Variants in MRPL14 observed in about 807,000 individuals in gnomAD.
The protein encoded by MRPL14 is large ribosomal subunit protein uL14m.
A neutral mutation model predicts 10.9 loss-of-function variants in MRPL14; 8 were observed. The ratio of observed to expected loss-of-function variants is 0.74; its 90% CI spans 0.43 to 1.33. The LOEUF is 1.33. Ranked by LOEUF, MRPL14 falls within the 40% of genes most tolerant of loss-of-function variation. The pLI is 0.01. For missense variants in MRPL14, 179 were observed against 194.5 expected, an observed-to-expected ratio of 0.92 and a Z score of 0.47; for synonymous variants, 82 against 74.1, an observed-to-expected ratio of 1.11 and a Z score of -0.54.
At chr6:44,115,415 C>T (rs1775748142) in intron 2 of MRPL14, among the ~76,000 whole-genome samples, 1 of 152,186 alleles carries the variant, frequency 6.6e-6, no homozygotes, top group Non-Finnish European at 1.5e-5. Flanking sequence ...TAGACGATGG[C>T]TTCTCCAGCA....
At position 44,126,614 on chromosome 6, in the gene MRPL14, A is replaced by T. The variant is rs183086655; in HGVS notation, c.-19+730T>A. On this transcript the variant is annotated intron_variant, in intron 1 of 2. Transcript: ENST00000372014. The stretch of plus-strand genomic sequence containing the variant: ...GCCCTTTTAACCTCTTTATAAATTC[A>T]GTCCCGTCCGTCTCTTACGGTGGCA... Among the ~76,000 whole-genome samples, 179 of 152,244 alleles carry T rather than the reference A, an allele frequency of 1.2e-3. 1 individual carries two copies. Among genetic ancestry groups the T allele is most frequent in the Non-Finnish European group, 1.7e-3 (119 of 68,030 alleles).
At position 44,113,986 on chromosome 6, in the gene MRPL14, T is replaced by G. The variant is rs1775586963; in HGVS notation, c.295A>C (p.Arg99=). Residue 99 remains arginine, a synonymous_variant, in exon 3 of 3, where the codon AGA becomes CGA. Coordinates refer to ENST00000372014, the MANE Select transcript of MRPL14 (RefSeq NM_032111.4). The part of the protein sequence containing the change: ...HCMPGPRMTP[R]FDSNNVVLIE... The stretch of plus-strand genomic sequence containing the variant: ...AGGACCACGTTGTTGGAGTCGAATC[T>G]GGGGGTCATTCGGGGGCCAGGCATG... The G allele has an allele frequency of 4.3e-6, 7 of 1,614,012 alleles. No homozygotes were observed. The South Asian group carries it at 5.5e-5, about 13-fold the overall frequency.
chr6:44,127,219 AC>A (rs987722285), intron 1 of MRPL14, 124 bp downstream of exon 1: 4 of 65,192 alleles, frequency 6.1e-5, no homozygotes, highest in African/African-American at 1.6e-4. Flanking sequence ...CCTCCCACTG[AC>A]GCTCTGCCTC....
At chr6:44,122,677 G>A (rs1776564601) in intron 1 of MRPL14, among the ~76,000 whole-genome samples, 1 of 151,840 alleles carries the variant, frequency 6.6e-6, no homozygotes, top group African/African-American at 2.4e-5. Flanking sequence ...TCACAAATGA[G>A]CCTTTAAAGG....
At chr6:44,119,031 T>C (rs1414727341) in intron 1 of MRPL14, among the ~76,000 whole-genome samples, 1 of 152,172 alleles carries the variant, frequency 6.6e-6, no homozygotes, top group African/African-American at 2.4e-5. Flanking sequence ...ATTAGCCTCA[T>C]TGTTATACAC....
At chr6:44,117,848 T>G (rs1467532797) in intron 1 of MRPL14, among the ~76,000 whole-genome samples, 22 of 135,902 alleles carry the variant, frequency 1.6e-4, no homozygotes, top group African/African-American at 5.9e-4. Context: ...GTGTTTTTTT[T>G]TTTTTTTTTT....
chr6:44,124,283 T>A (rs915475388), intron 1 of MRPL14, among the ~76,000 whole-genome samples: 5 of 152,106 alleles, frequency 3.3e-5, no homozygotes, highest in Admixed American at 3.3e-4. Context: ...TCACACCAAG[T>A]CTGTGGCCCT....
At chr6:44,123,494 G>A (rs114610608) in intron 1 of MRPL14, among the ~76,000 whole-genome samples, 2,001 of 152,280 alleles carry the variant, frequency 0.013, 21 homozygotes, top group Middle Eastern at 0.048. Flanking sequence ...GGACAGCCTC[G>A]GACCAAAGCT....
At chr6:44,116,748 T>TA in intron 1 of MRPL14, 119 bp from the exon 2 acceptor site, 1 of 682,120 alleles carries the variant, frequency 1.5e-6, no homozygotes, top group Non-Finnish European at 2.6e-6. Context: ...AGTCACAAAA[T>TA]ATAAATCTTA....
intron 1 of MRPL14, 21 bp from the exon 2 acceptor site, chr6:44,116,650 G>A: frequency 6.3e-7 from 1 of 1,590,174 alleles, no homozygotes; most frequent in Non-Finnish European, 8.6e-7. Context: ...AACGAGAGGG[G>A]GAAAAATTGG....
At chr6:44,116,983 C>T (rs1256006714) in intron 1 of MRPL14, among the ~76,000 whole-genome samples, 2 of 152,314 alleles carry the variant, frequency 1.3e-5, no homozygotes, top group East Asian at 3.9e-4. Flanking sequence ...TCGAGTCCTC[C>T]ATAGAGGAAA....
At chr6:44,123,237 T>C (rs957172367) in intron 1 of MRPL14, among the ~76,000 whole-genome samples, 2 of 152,230 alleles carry the variant, frequency 1.3e-5, no homozygotes, top group Non-Finnish European at 2.9e-5. Context: ...TAAGATTTGT[T>C]GATTGACTCG....
chr6:44,119,612 CA>C (rs372601969), intron 1 of MRPL14, among the ~76,000 whole-genome samples: 1,926 of 152,196 alleles, frequency 0.013, 21 homozygotes, highest in Non-Finnish European at 0.019. Flanking sequence ...AATGTAGACA[CA>C]TATCAGGTGA....
At chr6:44,119,233 C>T (rs1182305072) in intron 1 of MRPL14, among the ~76,000 whole-genome samples, 1 of 151,922 alleles carries the variant, frequency 6.6e-6, no homozygotes, top group Non-Finnish European at 1.5e-5. Flanking sequence ...ATCAAGAATA[C>T]TGACGTCAGC....
At chr6:44,116,179 A>G (rs1775829674) in intron 2 of MRPL14, among the ~76,000 whole-genome samples, 1 of 152,246 alleles carries the variant, frequency 6.6e-6, no homozygotes, top group African/African-American at 2.4e-5. Context: ...AGTTCTTGGT[A>G]ATAAGCATGT....
intron 2 of MRPL14, among the ~76,000 whole-genome samples, chr6:44,116,287 T>G (rs1775842939): frequency 6.6e-6 from 1 of 152,242 alleles, no homozygotes; most frequent in Non-Finnish European, 1.5e-5. Context: ...GTAAGAGTCT[T>G]GCAAGGACTG....
At chr6:44,121,711 G>A (rs1262275415) in intron 1 of MRPL14, among the ~76,000 whole-genome samples, 3 of 152,206 alleles carry the variant, frequency 2.0e-5, no homozygotes, top group African/African-American at 7.2e-5. Context: ...AGGCCAAGGC[G>A]GGCGGATCCC....
Position 44,113,710 on chromosome 6 carries a change from T to C in MRPL14, c.*133A>G. On this transcript the variant is annotated 3_prime_UTR_variant, in exon 3 of 3. Coordinates refer to ENST00000372014, the MANE Select transcript of MRPL14 (RefSeq NM_032111.4). ...AAAAACACATAAATGAATACATTTATTCTCTCACAGGATACTACACTGTTA... is the reference window on the plus strand; with the variant it reads ...AAAAACACATAAATGAATACATTTACTCTCTCACAGGATACTACACTGTTA... 1 of 865,242 alleles carries C rather than the reference T, an allele frequency of 1.2e-6. No homozygotes were observed. Among genetic ancestry groups the C allele is most frequent in the Middle Eastern group, 3.1e-4 (1 of 3,186 alleles). The allele number at this position is 865,242 out of a possible 1,614,324, so 53.6% of individuals were successfully genotyped here.
At chr6:44,119,628 T>C (rs1776212196) in intron 1 of MRPL14, among the ~76,000 whole-genome samples, 1 of 152,174 alleles carries the variant, frequency 6.6e-6, no homozygotes, top group African/African-American at 2.4e-5. Context: ...AGGTGAAAAT[T>C]ATTCACTTTA....
Sources: gnomAD v4.1 joint callset for allele counts (sites outside exome capture counted in the v4.1 genomes callset) on GRCh38, gnomAD v4.1.1 for gene constraint, MANE v1.5 for transcripts, NCBI Gene and HGNC (gene_info 2026-07-23, HGNC 2026-07-21) for gene names.